Variants in MGAT4C observed in about 807,000 individuals in gnomAD.
MGAT4C encodes the protein MGAT4 family member C, also known as alpha-1,3-mannosyl-glycoprotein 4-beta-N-acetylglucosaminyltransferase C.
In MGAT4C, 19 loss-of-function variants were observed where a neutral mutation model predicts 40.1. That is an observed-to-expected ratio of 0.47 (90% CI 0.33 to 0.70). The LOEUF (loss-of-function observed/expected upper bound fraction) is 0.70. Among genes scored for constraint, MGAT4C ranks in the 30% least tolerant of loss-of-function variants. The pLI, the probability that MGAT4C is intolerant of heterozygous loss-of-function variation, is 0.02. For missense variants in MGAT4C, 491 were observed against 563.2 expected (o/e 0.87, Z 1.30); for synonymous variants, 181 against 187.1 (o/e 0.97, Z 0.27).
At chr12:86,649,172 GT>G (rs985713827) in intron 2 of MGAT4C, among the ~76,000 whole-genome samples, 2 of 151,664 alleles carry the variant, frequency 1.3e-5, no homozygotes, top group African/African-American at 4.8e-5. Flanking sequence ...CTACAAAAGT[GT>G]TACTTCTTCC....
intron 2 of MGAT4C, among the ~76,000 whole-genome samples, chr12:86,461,523 G>T (rs967641720): frequency 3.9e-5 from 6 of 152,152 alleles, no homozygotes; most frequent in African/African-American, 1.4e-4. Flanking sequence ...GGGATTACAG[G>T]CGTGAGCCAC....
chr12:86,615,417 C>T (rs911192580), intron 2 of MGAT4C, among the ~76,000 whole-genome samples: 2 of 151,974 alleles, frequency 1.3e-5, no homozygotes, highest in African/African-American at 4.8e-5. Flanking sequence ...AAACTTAACA[C>T]CTTGAAACAG....
intron 2 of MGAT4C, among the ~76,000 whole-genome samples, chr12:86,607,422 T>C (rs1312629213): frequency 6.6e-6 from 1 of 152,164 alleles, no homozygotes; most frequent in African/African-American, 2.4e-5. Flanking sequence ...GAATTAAAGT[T>C]ACTCCTGTAT....
intron 2 of MGAT4C, among the ~76,000 whole-genome samples, chr12:86,642,689 T>C (rs2136523122): frequency 6.6e-6 from 1 of 151,874 alleles, no homozygotes; most frequent in Non-Finnish European, 1.5e-5. Context: ...ACCTGTAAGG[T>C]TTTGTCTTTA....
At chr12:86,772,908 G>A (rs1053740285) in intron 1 of MGAT4C, among the ~76,000 whole-genome samples, 2 of 152,072 alleles carry the variant, frequency 1.3e-5, no homozygotes, top group South Asian at 2.1e-4. Flanking sequence ...TCACCCACAC[G>A]TGGATCAAAT....
chr12:86,429,049 T>C (rs1429375653), intron 3 of MGAT4C, among the ~76,000 whole-genome samples: 1 of 152,114 alleles, frequency 6.6e-6, no homozygotes, highest in Non-Finnish European at 1.5e-5. Context: ...TGTAATATTA[T>C]GTGGTTTATT....
intron 1 of MGAT4C, among the ~76,000 whole-genome samples, chr12:86,827,147 C>T (rs939479622): frequency 1.1e-4 from 17 of 151,112 alleles, no homozygotes; most frequent in African/African-American, 3.9e-4. Context: ...GTATGAGATC[C>T]CCCATCTAAA....
At chr12:86,224,261 G>C (rs907786041) in intron 1 of MGAT4C, among the ~76,000 whole-genome samples, 2 of 152,002 alleles carry the variant, frequency 1.3e-5, no homozygotes, top group Non-Finnish European at 2.9e-5. Context: ...CAGTCAAAGG[G>C]ATATATCAAT....
At chr12:86,318,721 A>C (rs1405399073) in intron 4 of MGAT4C, among the ~76,000 whole-genome samples, 2 of 151,992 alleles carry the variant, frequency 1.3e-5, no homozygotes, top group African/African-American at 2.4e-5. Flanking sequence ...ATTATATGTA[A>C]AGTAAAATAT....
At chr12:86,773,572 T>C (rs1229212265) in intron 1 of MGAT4C, among the ~76,000 whole-genome samples, 2 of 152,214 alleles carry the variant, frequency 1.3e-5, no homozygotes, top group Non-Finnish European at 2.9e-5. Context: ...AATATTTTCC[T>C]ATCTTACTAT....
intron 1 of MGAT4C, among the ~76,000 whole-genome samples, chr12:86,241,860 A>G (rs1211883268): frequency 6.6e-6 from 1 of 151,912 alleles, no homozygotes; most frequent in Non-Finnish European, 1.5e-5. Context: ...CATACTCACT[A>G]CCTGTCTGAC....
chr12:86,034,583 A>T (rs936596588), intron 2 of MGAT4C, among the ~76,000 whole-genome samples: 5 of 146,422 alleles, frequency 3.4e-5, no homozygotes, highest in African/African-American at 1.2e-4. Flanking sequence ...TTTTTTTTAA[A>T]TTTTTTTTTA....
At chr12:86,571,535 T>C (rs983698961) in intron 2 of MGAT4C, among the ~76,000 whole-genome samples, 1 of 152,090 alleles carries the variant, frequency 6.6e-6, no homozygotes, top group African/African-American at 2.4e-5. Flanking sequence ...GCTTATACAG[T>C]CTTTAACAAA....
intron 2 of MGAT4C, among the ~76,000 whole-genome samples, chr12:86,468,627 G>A (rs1484117951): frequency 6.6e-6 from 1 of 151,850 alleles, no homozygotes; most frequent in Non-Finnish European, 1.5e-5. Flanking sequence ...AGCCTATAAA[G>A]CCTTACATGA....
chr12:86,016,325 A>T (rs1469996519), intron 2 of MGAT4C: 1 of 152,250 alleles, frequency 6.6e-6, no homozygotes, highest in East Asian at 1.9e-4. Context: ...TCAAATATCT[A>T]TATGGAACCA....
At chr12:86,292,319 G>A (rs990067173) in intron 4 of MGAT4C, among the ~76,000 whole-genome samples, 7 of 151,582 alleles carry the variant, frequency 4.6e-5, no homozygotes, top group African/African-American at 1.7e-4. Context: ...TAGATATATA[G>A]ATATAACTAC....
At chr12:86,018,900 A>G (rs1413738929) in intron 2 of MGAT4C, among the ~76,000 whole-genome samples, 1 of 152,138 alleles carries the variant, frequency 6.6e-6, no homozygotes, top group African/African-American at 2.4e-5. Context: ...AGAAATAATA[A>G]AACTTGAGAT....
At chr12:86,651,396 A>T (rs1963693423) in intron 2 of MGAT4C, among the ~76,000 whole-genome samples, 1 of 151,810 alleles carries the variant, frequency 6.6e-6, no homozygotes, top group Non-Finnish European at 1.5e-5. Flanking sequence ...AAAATCCAAC[A>T]ATTTAAGTTT....
intron 2 of MGAT4C, among the ~76,000 whole-genome samples, chr12:86,548,738 G>A (rs982555125): frequency 6.6e-6 from 1 of 152,038 alleles, no homozygotes; most frequent in African/African-American, 2.4e-5. Context: ...TACTAGCTGG[G>A]CCATAGTCTC....
Sources: allele counts gnomAD v4.1 joint callset (sites outside exome capture counted in the v4.1 genomes callset), GRCh38; gene constraint gnomAD v4.1.1; transcripts MANE v1.5; gene names NCBI Gene and HGNC (gene_info 2026-07-23, HGNC 2026-07-21).